Variants in CCSER1 observed in about 807,000 individuals in gnomAD.
CCSER1 encodes the protein coiled-coil serine rich protein 1.
Under a neutral mutation model 82.0 loss-of-function variants are expected in CCSER1, and 41 were observed. The observed-to-expected ratio is 0.50, with a 90% CI of 0.39 to 0.65. CCSER1 has a LOEUF of 0.65. CCSER1 is among the 30% of genes least tolerant of loss of function. The pLI, the probability that CCSER1 is intolerant of heterozygous loss-of-function variation, is 0.00. For synonymous variants in CCSER1, 414 were observed against 383.9 expected, an observed-to-expected ratio of 1.08 and a Z score of -0.92; for missense variants, 1,119 against 1,064.2, an observed-to-expected ratio of 1.05 and a Z score of -0.72.
At chr4:90,527,901 G>A (rs1228919059) in intron 5 of CCSER1, among the ~76,000 whole-genome samples, 2 of 152,010 alleles carry the variant, frequency 1.3e-5, no homozygotes, top group Non-Finnish European at 2.9e-5. Context: ...GTCTTGGCAG[G>A]AATACATACT....
chr4:91,143,155 T>A (rs1560463855), intron 10 of CCSER1, among the ~76,000 whole-genome samples: 1 of 152,162 alleles, frequency 6.6e-6, no homozygotes, highest in Non-Finnish European at 1.5e-5. Flanking sequence ...ACTGATCTCT[T>A]TCAGCAGTTT....
chr4:90,628,711 C>G (rs1723789040), intron 6 of CCSER1, among the ~76,000 whole-genome samples: 2 of 152,026 alleles, frequency 1.3e-5, no homozygotes, highest in South Asian at 4.2e-4. Context: ...ATGATTTTGC[C>G]TAAGGAATGT....
chr4:91,125,702 A>G (rs988264109), intron 10 of CCSER1, among the ~76,000 whole-genome samples: 4 of 151,714 alleles, frequency 2.6e-5, no homozygotes, highest in Non-Finnish European at 1.5e-5. Flanking sequence ...TTATTTCTTG[A>G]AAATAGATAT....
intron 5 of CCSER1, among the ~76,000 whole-genome samples, chr4:90,570,083 C>G (rs758250966): frequency 3.9e-5 from 6 of 152,176 alleles, no homozygotes; most frequent in Non-Finnish European, 8.8e-5. Flanking sequence ...TGAGCATGAA[C>G]AAGGACGATG....
At chr4:90,923,599 C>T (rs1464679189) in intron 9 of CCSER1, 152 bp downstream of exon 9, 1 of 543,116 alleles carries the variant, frequency 1.8e-6, no homozygotes, top group Admixed American at 3.3e-5. Context: ...TCCCCAAATA[C>T]CTCCTGGAAC....
intron 10 of CCSER1, among the ~76,000 whole-genome samples, chr4:91,165,198 G>T (rs1299304399): frequency 1.3e-5 from 2 of 152,178 alleles, no homozygotes; most frequent in Non-Finnish European, 2.9e-5. Flanking sequence ...TCCCTCAGCT[G>T]CAGGTCTGTT....
At chr4:91,080,352 A>G (rs1261820936) in intron 9 of CCSER1, among the ~76,000 whole-genome samples, 3 of 152,328 alleles carry the variant, frequency 2.0e-5, no homozygotes, top group East Asian at 3.9e-4. Context: ...AGAAATGAAC[A>G]TGCTCTTTGA....
chr4:91,106,786 C>T (rs1189295279), intron 10 of CCSER1, among the ~76,000 whole-genome samples: 3 of 152,138 alleles, frequency 2.0e-5, no homozygotes, highest in African/African-American at 7.2e-5. Context: ...TTTGTTTGTA[C>T]TTTGTCCTCC....
intron 10 of CCSER1, among the ~76,000 whole-genome samples, chr4:91,544,768 T>TGGA (rs1761796590): frequency 1.3e-5 from 2 of 148,950 alleles, no homozygotes; most frequent in African/African-American, 4.9e-5. Flanking sequence ...AGGGACCCAC[T>TGGA]TGAGGCAGTC....
chr4:90,830,342 A>T (rs1241871734), intron 8 of CCSER1, among the ~76,000 whole-genome samples: 1 of 152,208 alleles, frequency 6.6e-6, no homozygotes, highest in Non-Finnish European at 1.5e-5. Context: ...TCAAAGCTGC[A>T]GAATGTCATT....
intron 8 of CCSER1, among the ~76,000 whole-genome samples, chr4:90,912,797 C>A (rs1726622877): frequency 6.6e-6 from 1 of 152,116 alleles, no homozygotes; most frequent in Admixed American, 6.6e-5. Context: ...CCTTAAAGGA[C>A]CTGATGGAGA....
chr4:90,544,283 CA>C (rs1445920510), intron 5 of CCSER1, among the ~76,000 whole-genome samples: 2 of 152,078 alleles, frequency 1.3e-5, no homozygotes, highest in African/African-American at 2.4e-5. Flanking sequence ...AGGTGTCCCC[CA>C]AACCACCTTA....
intron 9 of CCSER1, among the ~76,000 whole-genome samples, chr4:91,030,973 A>G (rs1366589492): frequency 6.6e-6 from 1 of 152,158 alleles, no homozygotes; most frequent in African/African-American, 2.4e-5. Flanking sequence ...CTGTCTTCAG[A>G]AAGTTCATTT....
At chr4:91,145,828 C>A (rs1268135255) in intron 10 of CCSER1, among the ~76,000 whole-genome samples, 3 of 152,176 alleles carry the variant, frequency 2.0e-5, no homozygotes, top group South Asian at 4.1e-4. Context: ...CAACTGTTAG[C>A]CTAATATGTT....
Position 91,006,528 on chromosome 4 carries a change from C to T in CCSER1, c.2173-79422C>T, listed in dbSNP as rs556138400. On this transcript the variant is annotated intron_variant, in intron 9 of 10. Transcript: ENST00000509176. ...TTTCTTAGACGGAGTCTCGCTCTGT[C>T]ACCCAGGATGGAGTGCAGTGGCGTG... is the stretch of plus-strand genomic sequence containing the variant. 1.4e-4 allele frequency among the ~76,000 whole-genome samples: 21 copies of T among 150,268 alleles called. 1 individual carries two copies. The highest frequency in any genetic ancestry group is 1.1e-3 in the Admixed American group (16 of 15,026).
chr4:90,580,703 T>A (rs1781333608), intron 5 of CCSER1, among the ~76,000 whole-genome samples: 1 of 152,174 alleles, frequency 6.6e-6, no homozygotes, highest in Admixed American at 6.6e-5. Flanking sequence ...TGAGTTAACC[T>A]TTATGTTGCA....
intron 10 of CCSER1, among the ~76,000 whole-genome samples, chr4:91,320,534 A>G (rs1366782200): frequency 6.6e-6 from 1 of 152,058 alleles, no homozygotes; most frequent in Non-Finnish European, 1.5e-5. Context: ...TTCATTATTC[A>G]TGATAACATG....
intron 1 of CCSER1, among the ~76,000 whole-genome samples, chr4:90,301,671 C>CTG (rs1230214182): frequency 4.9e-4 from 74 of 152,062 alleles, no homozygotes; most frequent in African/African-American, 1.7e-3. Context: ...TCTAGTTCAA[C>CTG]CTTCATATTT....
chr4:91,251,875 G>A (rs563615400), intron 10 of CCSER1, among the ~76,000 whole-genome samples: 21 of 152,194 alleles, frequency 1.4e-4, no homozygotes, highest in South Asian at 6.2e-4. Context: ...AGTTGCCATC[G>A]AATCTGTGTG....
Sources: gnomAD v4.1 joint callset for allele counts (sites outside exome capture counted in the v4.1 genomes callset) on GRCh38, gnomAD v4.1.1 for gene constraint, MANE v1.5 for transcripts, NCBI Gene and HGNC (gene_info 2026-07-23, HGNC 2026-07-21) for gene names.